The following NKAIN3 variants were observed in gnomAD, a reference collection of about 807,000 sequenced individuals.
The protein encoded by NKAIN3 is sodium/potassium-transporting ATPase subunit beta-1-interacting protein 3.
In NKAIN3, 25 loss-of-function variants were observed where a neutral mutation model predicts 30.2. That is an observed-to-expected ratio of 0.83 (90% CI 0.60 to 1.16). The LOEUF (loss-of-function observed/expected upper bound fraction) is 1.16, where lower values mean the gene tolerates loss of function less well. Among genes scored for constraint, NKAIN3 ranks in the 50% most tolerant of loss-of-function variants. The pLI, the probability that NKAIN3 is intolerant of heterozygous loss-of-function variation, is 0.00. For missense variants in NKAIN3, 225 were observed against 254.1 expected (o/e 0.89, Z 0.78); for synonymous variants, 91 against 89.6 (o/e 1.02, Z -0.09).
intron 4 of NKAIN3, among the ~76,000 whole-genome samples, chr8:62,772,309 T>C (rs1427451998): frequency 6.6e-6 from 1 of 152,232 alleles, no homozygotes; most frequent in African/African-American, 2.4e-5. Flanking sequence ...CATTCATCTG[T>C]TGATAGACAC....
chr8:62,569,697 A>G (rs1809868826), intron 1 of NKAIN3, among the ~76,000 whole-genome samples: 1 of 151,752 alleles, frequency 6.6e-6, no homozygotes, highest in African/African-American at 2.4e-5. Context: ...AATCACTTAA[A>G]CCTGGGAGGC....
At chr8:62,800,734 C>T (rs1255731009) in intron 4 of NKAIN3, among the ~76,000 whole-genome samples, 1 of 152,198 alleles carries the variant, frequency 6.6e-6, no homozygotes, top group African/African-American at 2.4e-5. Context: ...GTACCGGGTT[C>T]ATCTCACTAG....
intron 1 of NKAIN3, among the ~76,000 whole-genome samples, chr8:62,488,259 C>T (rs1806960441): frequency 1.3e-5 from 2 of 152,126 alleles, no homozygotes; most frequent in African/African-American, 2.4e-5. Context: ...TTTCTGGAAA[C>T]ATCCCAGGCT....
chr8:62,957,592 C>T (rs984109629), intron 6 of NKAIN3, among the ~76,000 whole-genome samples: 1 of 152,040 alleles, frequency 6.6e-6, no homozygotes, highest in Non-Finnish European at 1.5e-5. Context: ...GCATTAAATG[C>T]ATGTTATGAA....
intron 5 of NKAIN3, among the ~76,000 whole-genome samples, chr8:62,953,514 A>G (rs796219391): frequency 5.3e-5 from 8 of 152,268 alleles, no homozygotes; most frequent in African/African-American, 1.9e-4. Flanking sequence ...CTAATGATGC[A>G]ATACATATTC....
At chr8:62,651,855 T>C (rs536108706) in intron 3 of NKAIN3, among the ~76,000 whole-genome samples, 1 of 152,242 alleles carries the variant, frequency 6.6e-6, no homozygotes, top group African/African-American at 2.4e-5. Context: ...CTCCCCTTCT[T>C]GCTATGTGAC....
chr8:62,359,606 C>G (rs1275395998), intron 1 of NKAIN3, among the ~76,000 whole-genome samples: 1 of 152,136 alleles, frequency 6.6e-6, no homozygotes, highest in East Asian at 1.9e-4. Flanking sequence ...CTGTCATCCA[C>G]CAACAGATAG....
intron 1 of NKAIN3, among the ~76,000 whole-genome samples, chr8:62,308,918 T>C (rs1344101864): frequency 2.0e-5 from 3 of 150,614 alleles, no homozygotes; most frequent in Admixed American, 1.3e-4. Context: ...AAAATATATA[T>C]TCTTTTGCCT....
rs149368268 is a variant in NKAIN3 at position 62,734,158 on chromosome 8, C to T, written c.274-12774C>T. 5.9e-5 allele frequency among the ~76,000 whole-genome samples: 9 copies of T among 152,224 alleles called. No homozygotes were observed. In the East Asian group the frequency reaches 1.7e-3, roughly 30 times the overall value. Reference sequence around the variant, plus strand: ...ATCAGCCAAGTGTGGTGGTGCACAACCGTAGTGTCAGCTACTTGGTAGGCT... The same window carrying T: ...ATCAGCCAAGTGTGGTGGTGCACAATCGTAGTGTCAGCTACTTGGTAGGCT... On this transcript the variant is annotated intron_variant, in intron 3 of 6. Transcript: ENST00000623646.
At chr8:62,804,245 C>T (rs555333765) in intron 4 of NKAIN3, among the ~76,000 whole-genome samples, 1 of 152,120 alleles carries the variant, frequency 6.6e-6, no homozygotes, top group African/African-American at 2.4e-5. Context: ...AAGAGGGAAT[C>T]CTCCCTAACT....
intron 4 of NKAIN3, chr8:62,855,712 C>CACA: frequency 6.4e-7 from 1 of 1,573,740 alleles, no homozygotes; most frequent in Non-Finnish European, 8.7e-7. Context: ...AGCGGAGCTT[C>CACA]TGAACGATAG....
chr8:62,310,510 G>A (rs1019127597), intron 1 of NKAIN3, among the ~76,000 whole-genome samples: 3 of 150,516 alleles, frequency 2.0e-5, no homozygotes, highest in Non-Finnish European at 4.4e-5. Context: ...TTTCCTTAAC[G>A]TAAATGTTCC....
chr8:62,602,955 G>A (rs924222275), intron 3 of NKAIN3, among the ~76,000 whole-genome samples: 2 of 152,004 alleles, frequency 1.3e-5, no homozygotes, highest in Non-Finnish European at 2.9e-5. Flanking sequence ...GAATTTTCAC[G>A]TAAGCATCAT....
chr8:62,673,961 TA>T (rs1368036672), intron 3 of NKAIN3, among the ~76,000 whole-genome samples: 8 of 152,324 alleles, frequency 5.3e-5, no homozygotes, highest in African/African-American at 1.9e-4. Context: ...TCTGGCACTA[TA>T]AAAAATAATT....
chr8:62,406,029 G>A (rs1563384013), intron 1 of NKAIN3, among the ~76,000 whole-genome samples: 1 of 152,108 alleles, frequency 6.6e-6, no homozygotes, highest in Non-Finnish European at 1.5e-5. Flanking sequence ...TAAGTTCTTT[G>A]ATCAATATGG....
rs1218471426 is a variant in NKAIN3 at position 62,971,646 on chromosome 8, G to C, written c.*6239G>C. 6.6e-6 allele frequency among the ~76,000 whole-genome samples: 1 copy of C among 151,862 alleles called. No individual in the cohort carries two copies. The highest frequency in any genetic ancestry group is 1.5e-5 in the Non-Finnish European group (1 of 67,986). ...AAACCTTGTCTCAAAAAAAAAGCGG[G>C]GGGGGCTTCATTTATTAGTAAGAAG... On this transcript the variant is annotated 3_prime_UTR_variant, in exon 7 of 7. Transcript: ENST00000623646.
intron 3 of NKAIN3, among the ~76,000 whole-genome samples, chr8:62,700,102 GCA>G (rs1345636104): frequency 6.6e-6 from 1 of 152,062 alleles, no homozygotes; most frequent in Admixed American, 6.6e-5. Context: ...TCCAGTCTGG[GCA>G]ATAGAGCAAG....
chr8:62,274,602 GTTA>G (rs1296806469), intron 1 of NKAIN3, among the ~76,000 whole-genome samples: 1 of 151,510 alleles, frequency 6.6e-6, no homozygotes, highest in African/African-American at 2.4e-5. Context: ...TTTAAATTTA[GTTA>G]TTATTATACT....
intron 1 of NKAIN3, among the ~76,000 whole-genome samples, chr8:62,519,858 C>T (rs1294337903): frequency 6.6e-6 from 1 of 152,170 alleles, no homozygotes; most frequent in Non-Finnish European, 1.5e-5. Flanking sequence ...AGCCATATCT[C>T]ACACATAGTT....
Sources: gnomAD v4.1 joint callset for allele counts (sites outside exome capture counted in the v4.1 genomes callset) on GRCh38, gnomAD v4.1.1 for gene constraint, MANE v1.5 for transcripts, NCBI Gene and HGNC (gene_info 2026-07-23, HGNC 2026-07-21) for gene names.